The following SLC35E4 variants were observed in gnomAD, a reference collection of about 807,000 sequenced individuals.
The protein encoded by SLC35E4 is solute carrier family 35 member E4, also known as solute carrier family 35, member E4.
Under a neutral mutation model 19.3 loss-of-function variants are expected in SLC35E4, and 15 were observed. The ratio of observed to expected loss-of-function variants is 0.78; its 90% CI spans 0.52 to 1.20. The LOEUF (loss-of-function observed/expected upper bound fraction) is 1.20, where lower values mean the gene tolerates loss of function less well. Ranked by LOEUF, SLC35E4 falls within the 50% of genes most tolerant of loss-of-function variation. The pLI is 0.00. For missense variants in SLC35E4, 406 were observed against 472.3 expected (o/e 0.86, Z 1.30); for synonymous variants, 219 against 219.9 (o/e 1.00, Z 0.04).
downstream of SLC35E4, among the ~76,000 whole-genome samples, chr22:30,650,600 T>C (rs5994328): frequency 0.66 from 99,999 of 152,102 alleles, 34,490 homozygotes; most frequent in African/African-American, 0.88. Context: ...CAAGGTCCTC[T>C]CCACCTGTGC....
chr22:30,663,347 A>G (rs2088534373), downstream of SLC35E4: 1 of 1,343,750 alleles, frequency 7.4e-7, no homozygotes, highest in East Asian at 2.3e-5. Flanking sequence ...TTCTGTATCA[A>G]CAAAAGTAGA....
chr22:30,654,121 G>A (rs186638773), intron 2 of SLC35E4: 84 of 223,238 alleles, frequency 3.8e-4, no homozygotes, highest in Middle Eastern at 1.8e-3. Context: ...CTGAGACTAC[G>A]GGCGCCCGCC....
intron 1 of SLC35E4, among the ~76,000 whole-genome samples, chr22:30,639,773 G>A (rs902888621): frequency 6.6e-6 from 1 of 152,166 alleles, no homozygotes; most frequent in African/African-American, 2.4e-5. Flanking sequence ...GAACATTGCT[G>A]TTATCCTGTT....
rs1187904363 is a variant in SLC35E4 at position 30,646,704 on chromosome 22, C to T, written c.726C>T (p.Gly242=). The change falls in exon 2 of 2, where the codon GGC becomes GGT. Residue 242 remains glycine, a synonymous_variant. Transcript: ENST00000343605. Reference sequence around the variant, plus strand: ...GTGCAGCCCTGGTGCTGGAGGCTGGCGTTGCCCCACCGCCCACTGCTGGCG... The same window carrying T: ...GTGCAGCCCTGGTGCTGGAGGCTGGTGTTGCCCCACCGCCCACTGCTGGCG... ...LAGAALVLEA[G]VAPPPTAGDS... is the part of the protein sequence containing the mutation. 7 of 1,612,114 alleles carry T rather than the reference C, an allele frequency of 4.3e-6. No individual in the cohort carries two copies. Among genetic ancestry groups the T allele is most frequent in the East Asian group, 4.5e-5 (2 of 44,858 alleles).
chr22:30,639,287 A>G (rs967329225), intron 1 of SLC35E4, among the ~76,000 whole-genome samples: 5 of 152,150 alleles, frequency 3.3e-5, no homozygotes, highest in African/African-American at 1.2e-4. Flanking sequence ...TACCAATAGG[A>G]TGTGGGTCAC....
rs1314258239 is a variant in SLC35E4 at position 30,637,083 on chromosome 22, T to G, written c.619+14T>G. ...CGGTTCAGCAAAGTAAGTGCCTGGGTGGCCAATTGAGAAGGTGGGGGTCCG... is the reference window on the plus strand; with the variant it reads ...CGGTTCAGCAAAGTAAGTGCCTGGGGGGCCAATTGAGAAGGTGGGGGTCCG... On this transcript the variant is annotated intron_variant, in intron 1 of 1. Transcript: ENST00000343605. The G allele has an allele frequency of 6.5e-7, 1 of 1,546,030 alleles. No individual in the cohort carries two copies. Among genetic ancestry groups the G allele is most frequent in the African/African-American group, 1.4e-5 (1 of 73,310 alleles).
At chr22:30,659,185 A>G (rs988879089) in intron 2 of SLC35E4, among the ~76,000 whole-genome samples, 1 of 151,720 alleles carries the variant, frequency 6.6e-6, no homozygotes, top group African/African-American at 2.4e-5. Flanking sequence ...AATAGCCCAC[A>G]GGAGACAGAT....
At chr22:30,668,638 C>G (rs1430999340) in exon 3 of SLC35E4, 2 of 152,266 alleles carry the variant, frequency 1.3e-5, no homozygotes, top group Non-Finnish European at 2.9e-5. Flanking sequence ...TCCTTAGAGC[C>G]TGGCGAGGCC....
chr22:30,659,938 C>T (rs951696931), intron 2 of SLC35E4, among the ~76,000 whole-genome samples: 8 of 152,150 alleles, frequency 5.3e-5, no homozygotes, highest in East Asian at 1.9e-4. Flanking sequence ...GAGGGGCACA[C>T]GTAGAAAGCA....
intron 2 of SLC35E4, among the ~76,000 whole-genome samples, chr22:30,659,693 T>C (rs2088420853): frequency 6.6e-6 from 1 of 152,172 alleles, no homozygotes; most frequent in Non-Finnish European, 1.5e-5. Context: ...AGAATCAAGA[T>C]TTGGAAATGA....
chr22:30,651,367 A>ATTTTTTTTTT (rs35299835), downstream of SLC35E4, among the ~76,000 whole-genome samples: 1 of 77,012 alleles, frequency 1.3e-5, no homozygotes, highest in Non-Finnish European at 2.3e-5. Context: ...CACGTGGCTA[A>ATTTTTTTTTT]TTTTTGTGTG....
At chr22:30,638,210 C>T (rs549508302) in intron 1 of SLC35E4, among the ~76,000 whole-genome samples, 2 of 151,172 alleles carry the variant, frequency 1.3e-5, no homozygotes, top group East Asian at 3.9e-4. Flanking sequence ...ATTAAAAATA[C>T]AAAAATTGGG....
downstream of SLC35E4, among the ~76,000 whole-genome samples, chr22:30,648,738 AAAAG>A (rs2088170192): frequency 6.6e-6 from 1 of 152,156 alleles, no homozygotes; most frequent in South Asian, 2.1e-4. Flanking sequence ...CTCAAAAAAG[AAAAG>A]AAAAATCCAA....
downstream of SLC35E4, chr22:30,664,962 A>G (rs2088594885): frequency 1.3e-5 from 2 of 152,562 alleles, no homozygotes; most frequent in Admixed American, 1.3e-4. Flanking sequence ...CACCTGCTCG[A>G]TAGGCTCAGT....
chr22:30,663,518 G>T, downstream of SLC35E4: 1 of 1,614,206 alleles, frequency 6.2e-7, no homozygotes, highest in South Asian at 1.1e-5. Context: ...TGTGCACAGT[G>T]TTCTTGCCAA....
downstream of SLC35E4, chr22:30,649,026 T>C: frequency 3.3e-6 from 2 of 605,318 alleles, no homozygotes; most frequent in Non-Finnish European, 6.0e-6. Context: ...TTGGCTCTTG[T>C]AACACCTAAC....
chr22:30,647,026 C>T lies in SLC35E4; in HGVS notation c.1048C>T (p.Leu350Phe), dbSNP rs536993715. The change falls in exon 2 of 2, where the codon CTT becomes TTT. Residue 350 changes from leucine to phenylalanine, a missense_variant. Transcript: ENST00000343605. ...LWRRDQPSKG[L>F] is the part of the protein sequence containing the mutation. Reference sequence around the variant, plus strand: ...GCGGAGGGACCAGCCCAGCAAGGGTCTTTGAGACCTGGGGGATCTCAGGAG... The same window carrying T: ...GCGGAGGGACCAGCCCAGCAAGGGTTTTTGAGACCTGGGGGATCTCAGGAG... 2.6e-5 allele frequency: 41 copies of T among 1,595,198 alleles called. No individual in the cohort carries two copies. In the South Asian group the frequency reaches 4.4e-4, roughly 17 times the overall value.
At position 30,637,047 on chromosome 22, in the gene SLC35E4, C is replaced by G. The variant is rs760341008; in HGVS notation, c.597C>G (p.Arg199=). 6.3e-7 allele frequency: 1 copy of G among 1,579,630 alleles called. No individual in the cohort carries two copies. The highest frequency in any genetic ancestry group is 2.3e-5 in the East Asian group (1 of 44,376). The part of the protein sequence containing the change: ...CGFLLAATCL[R]GLKSVQQSAL... Reference sequence around the variant, plus strand: ...TCCTGCTCGCAGCCACCTGCCTCCGCGGACTCAAGTCGGTTCAGCAAAGTA... The same window carrying G: ...TCCTGCTCGCAGCCACCTGCCTCCGGGGACTCAAGTCGGTTCAGCAAAGTA... The change falls in exon 1 of 2, where the codon CGC becomes CGG. Residue 199 remains arginine, a synonymous_variant. Coordinates refer to ENST00000343605, the MANE Select transcript of SLC35E4 (RefSeq NM_001001479.4).
chr22:30,647,284 G>T lies in SLC35E4; in HGVS notation c.*253G>T. 3 of 492,516 alleles carry T rather than the reference G, an allele frequency of 6.1e-6. No homozygotes were observed. Among genetic ancestry groups the T allele is most frequent in the Non-Finnish European group, 1.1e-5 (3 of 278,396 alleles). 30.5% of individuals were successfully genotyped at this position (492,516 alleles called of 1,614,324 possible). On this transcript the variant is annotated 3_prime_UTR_variant, in exon 2 of 2. Coordinates refer to ENST00000343605, the MANE Select transcript of SLC35E4 (RefSeq NM_001001479.4). ...ATGGTGGCGCGTGCCTATAGTCCCA[G>T]CTACATGGGAGGCTAAGGTGGGAGG... is the stretch of plus-strand genomic sequence containing the variant.
Sources: gnomAD v4.1 joint callset for allele counts (sites outside exome capture counted in the v4.1 genomes callset) on GRCh38, gnomAD v4.1.1 for gene constraint, MANE v1.5 for transcripts, NCBI Gene and HGNC (gene_info 2026-07-23, HGNC 2026-07-21) for gene names.